Variants in SMOC2 observed in about 807,000 individuals in gnomAD.
SMOC2 encodes SPARC related modular calcium binding 2.
Under a neutral mutation model 61.4 loss-of-function variants are expected in SMOC2, and 39 were observed. The observed-to-expected ratio is 0.64, with a 90% CI of 0.49 to 0.83. SMOC2 has a LOEUF of 0.83. Ranked by LOEUF, SMOC2 falls within the 40% of genes least tolerant of loss-of-function variation. The pLI, the probability that SMOC2 is intolerant of heterozygous loss-of-function variation, is 0.00. For missense variants in SMOC2, 556 were observed against 592.9 expected (o/e 0.94, Z 0.65); for synonymous variants, 247 against 239.9 (o/e 1.03, Z -0.27).
At chr6:168,557,497 CCTAT>C (rs1448725293) in intron 7 of SMOC2, among the ~76,000 whole-genome samples, 3 of 152,116 alleles carry the variant, frequency 2.0e-5, no homozygotes, top group Admixed American at 6.5e-5. Context: ...ACAAGCAAAC[CCTAT>C]CTGAGTGGTT....
intron 4 of SMOC2, among the ~76,000 whole-genome samples, chr6:168,536,210 A>G (rs1783730080): frequency 6.7e-6 from 1 of 149,658 alleles, no homozygotes; most frequent in African/African-American, 2.5e-5. Context: ...ACACAGGCCC[A>G]CAGGGCAGCC....
intron 1 of SMOC2, among the ~76,000 whole-genome samples, chr6:168,466,471 G>A (rs1318390064): frequency 6.6e-6 from 1 of 152,200 alleles, no homozygotes; most frequent in African/African-American, 2.4e-5. Flanking sequence ...TGGTGGTGGG[G>A]GAAGGGTTGA....
intron 7 of SMOC2, among the ~76,000 whole-genome samples, chr6:168,556,004 C>G (rs1340232243): frequency 6.6e-6 from 1 of 152,188 alleles, no homozygotes; most frequent in African/African-American, 2.4e-5. Flanking sequence ...TGAGCGACAC[C>G]ATCCTCGCCG....
At chr6:168,622,646 T>G (rs1412984344) in intron 9 of SMOC2, among the ~76,000 whole-genome samples, 1 of 152,144 alleles carries the variant, frequency 6.6e-6, no homozygotes, top group Non-Finnish European at 1.5e-5. Flanking sequence ...GTCAAGAAAG[T>G]GACAAGAGCA....
chr6:168,616,088 T>C (rs34012532), intron 9 of SMOC2, among the ~76,000 whole-genome samples: 39,006 of 152,108 alleles, frequency 0.26, 5,120 homozygotes, highest in Non-Finnish European at 0.27. Flanking sequence ...CCTCGCTTGG[T>C]GGCCTTTGAG....
At chr6:168,657,844 A>G (rs1787365724) in intron 11 of SMOC2, among the ~76,000 whole-genome samples, 2 of 152,144 alleles carry the variant, frequency 1.3e-5, no homozygotes, top group African/African-American at 4.8e-5. Flanking sequence ...ATATAATGGC[A>G]TTCACCTATT....
chr6:168,562,305 C>T (rs1408558265), intron 7 of SMOC2, among the ~76,000 whole-genome samples: 2 of 145,172 alleles, frequency 1.4e-5, no homozygotes, highest in African/African-American at 5.6e-5. Context: ...GAGGAGGTGT[C>T]ATTTTCCTGC....
At chr6:168,600,132 G>A (rs976020896) in intron 8 of SMOC2, among the ~76,000 whole-genome samples, 10 of 152,218 alleles carry the variant, frequency 6.6e-5, no homozygotes, top group Middle Eastern at 3.4e-3. Context: ...TTGGTCAGGC[G>A]CGGTGGTTCA....
chr6:168,503,140 G>A (rs59712292), intron 1 of SMOC2, among the ~76,000 whole-genome samples: 3 of 126,150 alleles, frequency 2.4e-5, no homozygotes, highest in African/African-American at 6.1e-5. Flanking sequence ...GTGCAGTGGC[G>A]CAATCTCTGC....
chr6:168,516,159 G>A (rs138952541), intron 2 of SMOC2, among the ~76,000 whole-genome samples: 5 of 152,208 alleles, frequency 3.3e-5, no homozygotes, highest in African/African-American at 1.2e-4. Context: ...GATTAAATTC[G>A]ATTTAAATGT....
chr6:168,650,063 T>C (rs1787152926), intron 9 of SMOC2, among the ~76,000 whole-genome samples: 1 of 152,290 alleles, frequency 6.6e-6, no homozygotes, highest in Non-Finnish European at 1.5e-5. Flanking sequence ...TGCAGAATGT[T>C]GGGTGCCTGA....
chr6:168,518,424 A>C (rs1783204406), intron 2 of SMOC2, among the ~76,000 whole-genome samples: 1 of 146,358 alleles, frequency 6.8e-6, no homozygotes, highest in Non-Finnish European at 1.5e-5. Flanking sequence ...TGTGTGCATG[A>C]GTGTGCATGT....
chr6:168,542,705 C>T (rs111230378), intron 4 of SMOC2, among the ~76,000 whole-genome samples: 1 of 152,108 alleles, frequency 6.6e-6, no homozygotes, highest in Non-Finnish European at 1.5e-5. Flanking sequence ...GAAGTTACTC[C>T]GTTTTCTCTG....
chr6:168,531,639 G>A (rs1315706311), intron 4 of SMOC2, among the ~76,000 whole-genome samples: 2 of 152,194 alleles, frequency 1.3e-5, no homozygotes, highest in African/African-American at 2.4e-5. Context: ...TGGGCATTGC[G>A]GCCCCCCACT....
intron 9 of SMOC2, among the ~76,000 whole-genome samples, chr6:168,610,398 T>G (rs1785827846): frequency 6.6e-6 from 1 of 152,198 alleles, no homozygotes; most frequent in Non-Finnish European, 1.5e-5. Context: ...TTGGAGATAA[T>G]TATCCTTATT....
rs540041108 is a variant in SMOC2 at position 168,559,653 on chromosome 6, C to T, written c.637+10450C>T. On this transcript the variant is annotated intron_variant, in intron 7 of 12. Coordinates refer to ENST00000356284, the MANE Select transcript of SMOC2 (RefSeq NM_001166412.2). ...GTTGCACTAAGATAAGAATTCATGC[C>T]TGTGCTCATCTGCCAGCCAAGGTGC... 3.3e-5 allele frequency among the ~76,000 whole-genome samples: 5 copies of T among 152,108 alleles called. No homozygotes were observed. The South Asian group carries it at 8.3e-4, about 25-fold the overall frequency.
At chr6:168,504,105 A>ATC (rs1205223735) in intron 1 of SMOC2, among the ~76,000 whole-genome samples, 1 of 151,918 alleles carries the variant, frequency 6.6e-6, no homozygotes, top group African/African-American at 2.4e-5. Flanking sequence ...GCCTTGACAC[A>ATC]TCCACGTCTG....
intron 1 of SMOC2, among the ~76,000 whole-genome samples, chr6:168,488,471 C>G (rs1252238197): frequency 1.3e-5 from 2 of 152,242 alleles, no homozygotes; most frequent in African/African-American, 4.8e-5. Flanking sequence ...AGGGCAGCTC[C>G]TCCTGGGGCT....
rs941962388 is a variant in SMOC2 at position 168,666,874 on chromosome 6, G to C, written c.*436G>C. 1.2e-5 allele frequency: 2 copies of C among 161,692 alleles called. No individual in the cohort carries two copies. The highest frequency in any genetic ancestry group is 4.8e-5 in the African/African-American group (2 of 41,764). The allele number at this position is 161,692 out of a possible 1,614,324, so 10.0% of individuals were successfully genotyped here. On this transcript the variant is annotated 3_prime_UTR_variant, in exon 13 of 13. Coordinates refer to ENST00000356284, the MANE Select transcript of SMOC2 (RefSeq NM_001166412.2). ...CCATGGAAGTTTGTGATGTACGGCC[G>C]ACCCTACAGGCAGTTAACATGCATG...
Sources: allele counts gnomAD v4.1 joint callset (sites outside exome capture counted in the v4.1 genomes callset), GRCh38; gene constraint gnomAD v4.1.1; transcripts MANE v1.5; gene names NCBI Gene and HGNC (gene_info 2026-07-23, HGNC 2026-07-21).